The following RAB6B variants were observed in gnomAD, a reference collection of about 807,000 sequenced individuals.
RAB6B encodes RAB6B, member RAS oncogene family.
In RAB6B, 7 loss-of-function variants were observed where a neutral mutation model predicts 31.2. The observed-to-expected ratio is 0.22, with a 90% CI of 0.13 to 0.42. The LOEUF is 0.42. Among genes scored for constraint, RAB6B ranks in the 10% least tolerant of loss-of-function variants. The pLI, the probability that RAB6B is intolerant of heterozygous loss-of-function variation, is 1.00. For missense variants in RAB6B, 149 were observed against 280.6 expected, an observed-to-expected ratio of 0.53 and a Z score of 3.35; for synonymous variants, 105 against 104.9, an observed-to-expected ratio of 1.00 and a Z score of -0.01.
At chr3:133,858,786 CA>C (rs1385119876) in intron 2 of RAB6B, among the ~76,000 whole-genome samples, 2 of 152,188 alleles carry the variant, frequency 1.3e-5, no homozygotes, top group Admixed American at 6.5e-5. Context: ...AGTCAAAATG[CA>C]GCCCTGCCAA....
At position 133,860,459 on chromosome 3, in the gene RAB6B, CCTTGATTTTGGA is replaced by C. The variant is rs374374511; in HGVS notation, c.129+4113_129+4124del. Among the ~76,000 whole-genome samples, 40 of 152,248 alleles carry C rather than the reference CCTTGATTTTGGA, an allele frequency of 2.6e-4. No individual in the cohort carries two copies. In the East Asian group the frequency reaches 7.6e-3, roughly 29 times the overall value. The stretch of plus-strand genomic sequence containing the variant: ...CCTTCTGAGAACAAGGCCCTCCATG[CCTTGATTTTGGA>C]CTTCAACCTCCAGAACAGTAAGAAA... On this transcript the variant is annotated intron_variant, in intron 2 of 7. Transcript: ENST00000285208.
intron 1 of RAB6B, among the ~76,000 whole-genome samples, chr3:133,866,390 G>A (rs1313074628): frequency 6.6e-6 from 1 of 152,082 alleles, no homozygotes; most frequent in African/African-American, 2.4e-5. Flanking sequence ...AGGTCATGCT[G>A]GGTTCAGGAT....
intron 2 of RAB6B, among the ~76,000 whole-genome samples, chr3:133,858,034 C>T (rs1936106471): frequency 6.6e-6 from 1 of 152,144 alleles, no homozygotes. Flanking sequence ...CCAGCCCCTC[C>T]AGGCCTGCCT....
At chr3:133,865,190 C>G (rs1388833198) in intron 1 of RAB6B, among the ~76,000 whole-genome samples, 1 of 152,214 alleles carries the variant, frequency 6.6e-6, no homozygotes, top group Admixed American at 6.5e-5. Flanking sequence ...GTGTATCTGA[C>G]CGTCCAGCTC....
chr3:133,860,492 A>G (rs966081695), intron 2 of RAB6B, among the ~76,000 whole-genome samples: 2 of 152,230 alleles, frequency 1.3e-5, no homozygotes, highest in East Asian at 1.9e-4. Flanking sequence ...CAGAACAGTA[A>G]GAAAATAAAC....
At chr3:133,871,952 GC>G (rs1468430795) in intron 1 of RAB6B, among the ~76,000 whole-genome samples, 1 of 152,204 alleles carries the variant, frequency 6.6e-6, no homozygotes, top group East Asian at 1.9e-4. Flanking sequence ...AGGGCCTAGG[GC>G]CCCAGGAGTT....
At position 133,864,674 on chromosome 3, in the gene RAB6B, C is replaced by A. The variant is rs571117414; in HGVS notation, c.71-32G>T. On this transcript the variant is annotated intron_variant, in intron 1 of 7. Coordinates refer to ENST00000285208, the MANE Select transcript of RAB6B (RefSeq NM_016577.4). ...AACAACAAGGAGAGAGGTGTTCAGTCATGGCATCTGAGCTAGGCTCTTCTA... is the reference window on the plus strand; with the variant it reads ...AACAACAAGGAGAGAGGTGTTCAGTAATGGCATCTGAGCTAGGCTCTTCTA... 1.9e-6 allele frequency: 3 copies of A among 1,592,808 alleles called. No individual in the cohort carries two copies. The African/African-American group carries it at 4.0e-5, about 21-fold the overall frequency.
At chr3:133,835,639 C>T (rs558327343) in intron 6 of RAB6B, among the ~76,000 whole-genome samples, 2 of 152,120 alleles carry the variant, frequency 1.3e-5, no homozygotes, top group African/African-American at 2.4e-5. Context: ...TTCTGAATGC[C>T]GGTCCCCCTG....
chr3:133,893,687 T>TGTCTGTCAC (rs1936667547), intron 1 of RAB6B, among the ~76,000 whole-genome samples: 1 of 152,148 alleles, frequency 6.6e-6, no homozygotes, highest in South Asian at 2.1e-4. Flanking sequence ...AAGCAACCAT[T>TGTCTGTCAC]TTTCAGAGAC....
At chr3:133,855,063 G>A (rs1346449289) in intron 2 of RAB6B, among the ~76,000 whole-genome samples, 1 of 152,240 alleles carries the variant, frequency 6.6e-6, no homozygotes, top group African/African-American at 2.4e-5. Context: ...TCCATAAGTG[G>A]CAGAAAGCAG....
chr3:133,861,668 C>T (rs1057177411), intron 2 of RAB6B, among the ~76,000 whole-genome samples: 1 of 152,222 alleles, frequency 6.6e-6, no homozygotes, highest in Non-Finnish European at 1.5e-5. Flanking sequence ...TTCTGCCTCT[C>T]CAAACATAGA....
intron 2 of RAB6B, among the ~76,000 whole-genome samples, chr3:133,845,030 T>C (rs1935888115): frequency 6.6e-6 from 1 of 151,490 alleles, no homozygotes; most frequent in Admixed American, 6.6e-5. Context: ...TCAATTTGCC[T>C]CCTGACGAAA....
rs1360922223 is a variant in RAB6B at position 133,826,913 on chromosome 3, G to C, written c.*1875C>G. On this transcript the variant is annotated 3_prime_UTR_variant, in exon 8 of 8. Transcript: ENST00000285208. Reference sequence around the variant, plus strand: ...CTCCGTGAGGATGTGTTTGTGGAAGGTGTATACACAAGTCTATCTCTATAT... The same window carrying C: ...CTCCGTGAGGATGTGTTTGTGGAAGCTGTATACACAAGTCTATCTCTATAT... The C allele has an allele frequency of 1.3e-5, 2 of 152,686 alleles. No individual in the cohort carries two copies. Among genetic ancestry groups the C allele is most frequent in the Non-Finnish European group, 2.9e-5 (2 of 68,056 alleles). 9.5% of individuals were successfully genotyped at this position (152,686 alleles called of 1,614,324 possible).
chr3:133,872,464 G>A (rs941974174), intron 1 of RAB6B, among the ~76,000 whole-genome samples: 1 of 152,246 alleles, frequency 6.6e-6, no homozygotes, highest in African/African-American at 2.4e-5. Flanking sequence ...ACGGCCCCCA[G>A]GCCCTGTGGT....
intron 2 of RAB6B, 40 bp downstream of exon 2, chr3:133,864,544 A>C (rs1030487488): frequency 6.3e-6 from 10 of 1,594,208 alleles, no homozygotes; most frequent in Non-Finnish European, 8.6e-6. Context: ...GAGGTCAGCC[A>C]CTGCCAGATG....
chr3:133,852,555 C>T (rs1472889407), intron 2 of RAB6B, among the ~76,000 whole-genome samples: 1 of 151,068 alleles, frequency 6.6e-6, no homozygotes, highest in Non-Finnish European at 1.5e-5. Flanking sequence ...CCTGTAGCCT[C>T]GACCTCCTTG....
intron 2 of RAB6B, among the ~76,000 whole-genome samples, chr3:133,846,815 C>T (rs2107994216): frequency 6.6e-6 from 1 of 152,280 alleles, no homozygotes; most frequent in East Asian, 1.9e-4. Flanking sequence ...TAAAACAAGA[C>T]ACACACACAA....
intron 2 of RAB6B, among the ~76,000 whole-genome samples, chr3:133,862,946 CACAT>C (rs1936184851): frequency 6.6e-6 from 1 of 152,226 alleles, no homozygotes; most frequent in Non-Finnish European, 1.5e-5. Flanking sequence ...TTCATACACA[CACAT>C]GCATGCACAA....
chr3:133,879,212 TAA>T (rs1193019997), intron 1 of RAB6B, among the ~76,000 whole-genome samples: 3 of 152,356 alleles, frequency 2.0e-5, no homozygotes, highest in African/African-American at 7.2e-5. Context: ...TGTATAATCC[TAA>T]AACTGTGTCA....
Sources: allele counts gnomAD v4.1 joint callset (sites outside exome capture counted in the v4.1 genomes callset), GRCh38; gene constraint gnomAD v4.1.1; transcripts MANE v1.5; gene names NCBI Gene and HGNC (gene_info 2026-07-23, HGNC 2026-07-21).